TRABD2B: variants seen among roughly 807,000 people sequenced by gnomAD.
The protein encoded by TRABD2B is metalloprotease TIKI2.
Under a neutral mutation model 40.1 loss-of-function variants are expected in TRABD2B, and 14 were observed. That is an observed-to-expected ratio of 0.35 (90% confidence interval 0.23 to 0.55). TRABD2B has a LOEUF of 0.55. Ranked by LOEUF, TRABD2B falls within the 20% of genes least tolerant of loss-of-function variation. The pLI, the probability that TRABD2B is intolerant of heterozygous loss-of-function variation, is 0.90. For synonymous variants in TRABD2B, 263 were observed against 277.0 expected (o/e 0.95, Z 0.50); for missense variants, 541 against 648.6 (o/e 0.83, Z 1.80).
rs937909373 is a variant in TRABD2B at position 47,761,051 on chromosome 1, A to G, written c.*4851T>C. 1 of 152,058 alleles carries G rather than the reference A, an allele frequency of 6.6e-6. No individual in the cohort carries two copies. Among genetic ancestry groups the G allele is most frequent in the African/African-American group, 2.4e-5 (1 of 41,372 alleles). 9.4% of individuals were successfully genotyped at this position (152,058 alleles called of 1,614,324 possible). A position where few individuals can be genotyped will look rare whatever the true frequency, so the allele number is the denominator to read the frequency against. On this transcript the variant is annotated 3_prime_UTR_variant, in exon 7 of 7. Coordinates refer to ENST00000606738, the MANE Select transcript of TRABD2B (RefSeq NM_001194986.2). ...GTGGGTCCTGGGAAGAAAGCCAAGC[A>G]CCTCATCTCCATGGAGGCCCAAGAT...
chr1:47,917,225 C>T (rs547989749), intron 2 of TRABD2B, among the ~76,000 whole-genome samples: 1 of 152,164 alleles, frequency 6.6e-6, no homozygotes, highest in Non-Finnish European at 1.5e-5. Context: ...AGGCCAGGAA[C>T]CCCGGAAACC....
intron 2 of TRABD2B, among the ~76,000 whole-genome samples, chr1:47,984,451 C>T (rs945434661): frequency 6.6e-6 from 1 of 152,248 alleles, no homozygotes; most frequent in Non-Finnish European, 1.5e-5. Context: ...ATGCACAGAG[C>T]GCTCGCCTCT....
chr1:47,782,458 G>A (rs550309017), intron 4 of TRABD2B, among the ~76,000 whole-genome samples: 9 of 152,308 alleles, frequency 5.9e-5, no homozygotes, highest in African/African-American at 1.9e-4. Flanking sequence ...AGAGCTTTTT[G>A]AGGGCAGGGG....
chr1:47,842,257 G>A (rs1412859288), intron 2 of TRABD2B, among the ~76,000 whole-genome samples: 3 of 152,194 alleles, frequency 2.0e-5, no homozygotes, highest in African/African-American at 7.2e-5. Flanking sequence ...AGGGTAAAAG[G>A]CAGAGGCTGC....
chr1:47,881,269 G>A lies in TRABD2B; in HGVS notation c.667-79650C>T, dbSNP rs144309618. On this transcript the variant is annotated intron_variant, in intron 2 of 6. Transcript: ENST00000606738. Reference sequence around the variant, plus strand: ...AGGCTTGCTGTGAGCTCATGTGAATGGATCTGTTGTCTCTCTGTGTGCCCC... The same window carrying A: ...AGGCTTGCTGTGAGCTCATGTGAATAGATCTGTTGTCTCTCTGTGTGCCCC... 1.0e-3 allele frequency among the ~76,000 whole-genome samples: 155 copies of A among 152,314 alleles called. 1 individual carries two copies. Among genetic ancestry groups the A allele is most frequent in the African/African-American group, 3.5e-3 (147 of 41,568 alleles).
At chr1:47,835,300 GTGTACCAACATATGCATAC>G (rs1283782771) in intron 2 of TRABD2B, among the ~76,000 whole-genome samples, 1 of 152,062 alleles carries the variant, frequency 6.6e-6, no homozygotes, top group African/African-American at 2.4e-5. Flanking sequence ...ACACCATCAA[GTGTACCAACATATGCATAC>G]TGGGAGTTCA....
intron 2 of TRABD2B, among the ~76,000 whole-genome samples, chr1:47,909,878 A>C (rs1345269645): frequency 7.0e-6 from 1 of 143,342 alleles, no homozygotes; most frequent in Admixed American, 7.0e-5. Flanking sequence ...ATTTTGAGAC[A>C]CTTTGGAACT....
chr1:47,932,078 C>A (rs956196), intron 2 of TRABD2B, among the ~76,000 whole-genome samples: 1 of 152,082 alleles, frequency 6.6e-6, no homozygotes, highest in Non-Finnish European at 1.5e-5. Flanking sequence ...ATCAAGAGTT[C>A]TTTTATGAAC....
chr1:47,994,714 G>T lies in TRABD2B; in HGVS notation c.103-117C>A. ...GATGGGAGGCAGAGACCATACACAG[G>T]CCGTGGTAAAGAGCCAGGTCTTTGG... is the stretch of plus-strand genomic sequence containing the variant. On this transcript the variant is annotated intron_variant, in intron 1 of 6. Transcript: ENST00000606738. This position sits in a 1 kb window ranked among gnomAD's most constrained non-coding sequence, Gnocchi z 6.7. 2 of 928,506 alleles carry T rather than the reference G, an allele frequency of 2.2e-6. No homozygotes were observed. The highest frequency in any genetic ancestry group is 3.2e-6 in the Non-Finnish European group (2 of 634,360). 57.5% of individuals were successfully genotyped at this position (928,506 alleles called of 1,614,324 possible). A position where few individuals can be genotyped will look rare whatever the true frequency, so the allele number is the denominator to read the frequency against.
chr1:47,838,385 C>T (rs948493514), intron 2 of TRABD2B, among the ~76,000 whole-genome samples: 1 of 152,170 alleles, frequency 6.6e-6, no homozygotes, highest in African/African-American at 2.4e-5. Flanking sequence ...TGGTGAGCAT[C>T]CATCTCTGGA....
intron 2 of TRABD2B, among the ~76,000 whole-genome samples, chr1:47,837,907 C>T (rs1645341267): frequency 6.6e-6 from 1 of 152,140 alleles, no homozygotes; most frequent in Non-Finnish European, 1.5e-5. Context: ...AACCGAGGCA[C>T]AGATAGGTTA....
chr1:47,853,625 A>G (rs1025261011), intron 2 of TRABD2B, among the ~76,000 whole-genome samples: 2 of 152,200 alleles, frequency 1.3e-5, no homozygotes, highest in African/African-American at 4.8e-5. Flanking sequence ...AATATGGGTT[A>G]TCCTGGGAGA....
chr1:47,972,283 T>C (rs568239166), intron 2 of TRABD2B, among the ~76,000 whole-genome samples: 1 of 152,186 alleles, frequency 6.6e-6, no homozygotes, highest in Non-Finnish European at 1.5e-5. Context: ...TGAGAGTCCC[T>C]CCAGGCAGCA....
chr1:47,972,445 C>T (rs757539650), intron 2 of TRABD2B, among the ~76,000 whole-genome samples: 16 of 152,186 alleles, frequency 1.1e-4, no homozygotes, highest in Non-Finnish European at 2.1e-4. Context: ...GATGGGGCCT[C>T]TGGGAGGTAA....
At chr1:47,978,090 A>G (rs1033744226) in intron 2 of TRABD2B, among the ~76,000 whole-genome samples, 4 of 152,158 alleles carry the variant, frequency 2.6e-5, no homozygotes, top group East Asian at 1.9e-4. Flanking sequence ...CTAATCCCCA[A>G]TGTGACGGTA....
chr1:47,970,984 C>G (rs956064301), intron 2 of TRABD2B, among the ~76,000 whole-genome samples: 1 of 152,184 alleles, frequency 6.6e-6, no homozygotes, highest in Non-Finnish European at 1.5e-5. Context: ...CAAGTGACAT[C>G]GTCAAACTCT....
chr1:47,876,794 T>C (rs1436018433), intron 2 of TRABD2B, among the ~76,000 whole-genome samples: 2 of 152,200 alleles, frequency 1.3e-5, no homozygotes, highest in Non-Finnish European at 2.9e-5. Context: ...GTTTACTCTT[T>C]ATATACGCAC....
intron 2 of TRABD2B, among the ~76,000 whole-genome samples, chr1:47,816,250 A>G (rs1645031551): frequency 6.6e-6 from 1 of 152,142 alleles, no homozygotes; most frequent in Admixed American, 6.5e-5. Context: ...GACCTGAGGT[A>G]GGGCCCACTG....
At chr1:47,779,736 G>T (rs1021360699) in intron 4 of TRABD2B, among the ~76,000 whole-genome samples, 1 of 152,134 alleles carries the variant, frequency 6.6e-6, no homozygotes, top group Non-Finnish European at 1.5e-5. Context: ...CCCTGTGGCT[G>T]CACTCATTAG....
Sources: gnomAD v4.1 joint callset for allele counts (sites outside exome capture counted in the v4.1 genomes callset) on GRCh38, gnomAD v4.1.1 for gene constraint, Gnocchi (gnomAD v3.1) non-coding constraint, MANE v1.5 for transcripts, NCBI Gene and HGNC (gene_info 2026-07-23, HGNC 2026-07-21) for gene names.